PRDM5: variants seen among roughly 807,000 people sequenced by gnomAD.
PRDM5 encodes the protein PR/SET domain 5.
A neutral mutation model predicts 81.2 loss-of-function variants in PRDM5; 56 were observed. The observed-to-expected ratio is 0.69, with a 90% confidence interval of 0.56 to 0.86. The LOEUF is 0.86. PRDM5 is among the 40% of genes least tolerant of loss of function. The pLI is 0.00. For synonymous variants in PRDM5, 267 were observed against 256.4 expected, an observed-to-expected ratio of 1.04 and a Z score of -0.39; for missense variants, 697 against 770.1, an observed-to-expected ratio of 0.91 and a Z score of 1.12.
downstream of PRDM5, among the ~76,000 whole-genome samples, chr4:120,687,460 TC>T (rs1733881373): frequency 6.6e-6 from 1 of 152,162 alleles, no homozygotes; most frequent in Admixed American, 6.6e-5. Context: ...TGAAATTATT[TC>T]TTTCTTTTGT....
At chr4:120,790,108 C>T (rs1057143911) in intron 10 of PRDM5, among the ~76,000 whole-genome samples, 1 of 152,136 alleles carries the variant, frequency 6.6e-6, no homozygotes, top group African/African-American at 2.4e-5. Context: ...CTGGTAAGAG[C>T]CATAACTCAT....
chr4:120,890,015 T>C (rs184403231), intron 2 of PRDM5, among the ~76,000 whole-genome samples: 1 of 152,320 alleles, frequency 6.6e-6, no homozygotes, highest in Non-Finnish European at 1.5e-5. Flanking sequence ...TACGTGTGCA[T>C]GCATCTTTAA....
chr4:120,773,850 C>T (rs144322471), intron 13 of PRDM5, among the ~76,000 whole-genome samples: 7 of 152,232 alleles, frequency 4.6e-5, no homozygotes, highest in African/African-American at 9.6e-5. Flanking sequence ...GAAACAGATA[C>T]GAGAATCCAG....
chr4:120,728,183 C>T (rs1337093347), intron 14 of PRDM5, among the ~76,000 whole-genome samples: 1 of 151,872 alleles, frequency 6.6e-6, no homozygotes, highest in East Asian at 1.9e-4. Context: ...GTTGTCTACC[C>T]TATTCATCTG....
chr4:120,699,749 GC>G (rs1735084570), intron 15 of PRDM5, among the ~76,000 whole-genome samples: 1 of 152,070 alleles, frequency 6.6e-6, no homozygotes, highest in Non-Finnish European at 1.5e-5. Context: ...TACAGACACT[GC>G]TAAAAGAAAT....
At chr4:120,718,805 T>C (rs1259183831) in intron 14 of PRDM5, among the ~76,000 whole-genome samples, 3 of 152,210 alleles carry the variant, frequency 2.0e-5, no homozygotes, top group Non-Finnish European at 4.4e-5. Flanking sequence ...GGCTGATCTG[T>C]CAGACACATT....
At chr4:120,809,286 T>A (rs900521485) in intron 8 of PRDM5, among the ~76,000 whole-genome samples, 3 of 151,826 alleles carry the variant, frequency 2.0e-5, no homozygotes, top group Admixed American at 2.0e-4. Context: ...GAGATATACC[T>A]AATGTAAATG....
rs985380293 is a variant in PRDM5 at position 120,818,494 on chromosome 4, G to A, written c.509C>T (p.Pro170Leu). Residue 170 changes from proline to leucine, a missense_variant, in exon 5 of 16, where the codon CCT (proline) becomes CTT (leucine). Physicochemically the swap from Pro to Leu is moderately conservative, Grantham distance 98. Coordinates refer to ENST00000264808, the MANE Select transcript of PRDM5 (RefSeq NM_018699.4). ...ACTGGTAAAACTCGATTCACATTGAGGACAAGCATAGTCCTCTTTACAGCC... is the reference window on the plus strand; with the variant it reads ...ACTGGTAAAACTCGATTCACATTGAAGACAAGCATAGTCCTCTTTACAGCC... The part of the protein sequence containing the change: ...RLGCKEDYAC[P>L]QCESSFTSED... 6.2e-7 allele frequency: 1 copy of A among 1,613,746 alleles called. No homozygotes were observed. Among genetic ancestry groups the A allele is most frequent in the Non-Finnish European group, 8.5e-7 (1 of 1,179,704 alleles).
chr4:120,828,627 A>C, intron 3 of PRDM5, among the ~76,000 whole-genome samples: 1 of 152,032 alleles, frequency 6.6e-6, no homozygotes, highest in East Asian at 1.9e-4. Context: ...GCCCCATATA[A>C]TTTTTTATTC....
intron 14 of PRDM5, among the ~76,000 whole-genome samples, chr4:120,738,599 T>G (rs1265964381): frequency 6.6e-6 from 1 of 152,192 alleles, no homozygotes; most frequent in Non-Finnish European, 1.5e-5. Flanking sequence ...ATAGTATATT[T>G]TTTTAAACTG....
rs1258452091 is a variant in PRDM5, at chr4:120,891,926, CT to C, written c.177+15547del. Among the ~76,000 whole-genome samples, 5 of 152,242 alleles carry C rather than the reference CT, an allele frequency of 3.3e-5. No homozygotes were observed. The East Asian group carries it at 9.7e-4, about 29-fold the overall frequency. On this transcript the variant is annotated intron_variant, in intron 2 of 15. Transcript: ENST00000264808. The stretch of plus-strand genomic sequence containing the variant: ...ATTACAGGCATGAGCCACTTTCTAA[CT>C]TTTTTATTTGAATGTTTAGCACCAT...
chr4:120,776,642 A>G (rs1748193185), intron 13 of PRDM5, among the ~76,000 whole-genome samples: 1 of 152,178 alleles, frequency 6.6e-6, no homozygotes, highest in African/African-American at 2.4e-5. Context: ...TTAGTTGTTC[A>G]TTCACCCTTC....
intron 2 of PRDM5, among the ~76,000 whole-genome samples, chr4:120,878,613 A>G (rs1762549195): frequency 1.3e-5 from 2 of 152,334 alleles, no homozygotes; most frequent in South Asian, 4.1e-4. Context: ...AAGACACTGT[A>G]AAGTGCACAA....
chr4:120,728,416 CTAAA>C (rs1168339463), intron 14 of PRDM5, among the ~76,000 whole-genome samples: 1 of 151,870 alleles, frequency 6.6e-6, no homozygotes, highest in Non-Finnish European at 1.5e-5. Context: ...ACATAGGAAA[CTAAA>C]TGATGTATGT....
At chr4:120,778,336 A>G (rs1748482892) in intron 12 of PRDM5, among the ~76,000 whole-genome samples, 1 of 152,170 alleles carries the variant, frequency 6.6e-6, no homozygotes, top group South Asian at 2.1e-4. Context: ...GACAAATGAA[A>G]AAAGAATAGA....
intron 2 of PRDM5, among the ~76,000 whole-genome samples, chr4:120,874,982 C>T (rs1485338723): frequency 1.3e-5 from 2 of 152,196 alleles, no homozygotes; most frequent in Non-Finnish European, 2.9e-5. Flanking sequence ...GCATAATCAC[C>T]TGGCCTGGCT....
intron 2 of PRDM5, among the ~76,000 whole-genome samples, chr4:120,863,995 A>G (rs564764832): frequency 6.6e-6 from 1 of 152,316 alleles, no homozygotes; most frequent in Non-Finnish European, 1.5e-5. Flanking sequence ...AGGATATTCT[A>G]TCCTCCAACT....
At chr4:120,905,467 T>C (rs574218804) in intron 2 of PRDM5, among the ~76,000 whole-genome samples, 38 of 152,306 alleles carry the variant, frequency 2.5e-4, no homozygotes, top group Non-Finnish European at 4.9e-4. Context: ...GCGGTTAACA[T>C]CTACAATCAG....
At chr4:120,747,722 C>T (rs1173533495) in intron 14 of PRDM5, among the ~76,000 whole-genome samples, 1 of 152,168 alleles carries the variant, frequency 6.6e-6, no homozygotes, top group Non-Finnish European at 1.5e-5. Flanking sequence ...AAATATAAAA[C>T]AATATAACAG....
Sources: allele counts gnomAD v4.1 joint callset (sites outside exome capture counted in the v4.1 genomes callset), GRCh38; gene constraint gnomAD v4.1.1; transcripts MANE v1.5; gene names NCBI Gene and HGNC (gene_info 2026-07-23, HGNC 2026-07-21).